SHPRH: variants seen among roughly 807,000 people sequenced by gnomAD.
SHPRH encodes E3 ubiquitin-protein ligase SHPRH.
SHPRH carries 106 observed loss-of-function variants against 202.5 expected under a neutral mutation model. The observed-to-expected ratio is 0.52, with a 90% CI of 0.45 to 0.62. The LOEUF (loss-of-function observed/expected upper bound fraction) is 0.62, where lower values mean the gene tolerates loss of function less well. Among genes scored for constraint, SHPRH ranks in the 20% least tolerant of loss-of-function variants. SHPRH has a pLI of 0.00. For missense variants in SHPRH, 1,710 were observed against 2,020.0 expected (o/e 0.85, Z 2.94); for synonymous variants, 729 against 686.0 (o/e 1.06, Z -0.98).
chr6:145,873,337 A>T (rs980116924), intron 2 of SHPRH, among the ~76,000 whole-genome samples: 1 of 152,162 alleles, frequency 6.6e-6, no homozygotes, highest in Non-Finnish European at 1.5e-5. Flanking sequence ...AAAAGGTACT[A>T]GGATGACTCT....
rs1787307658 is a variant in SHPRH, at chr6:145,945,774, T to G, written c.1322-137A>C. ...AGATTTATTACAGCAGAGTGCCATTTTGAAAAAATATGTAATAAAAATGTA... is the reference window on the plus strand; with the variant it reads ...AGATTTATTACAGCAGAGTGCCATTGTGAAAAAATATGTAATAAAAATGTA... On this transcript the variant is annotated intron_variant, in intron 7 of 29. Transcript: ENST00000275233. 1.2e-5 allele frequency: 10 copies of G among 846,976 alleles called. No individual in the cohort carries two copies. The East Asian group carries it at 3.0e-4, about 25-fold the overall frequency. 52.5% of individuals were successfully genotyped at this position (846,976 alleles called of 1,614,324 possible). A position where few individuals can be genotyped will look rare whatever the true frequency, so the allele number is the denominator to read the frequency against.
At chr6:145,887,968 A>G in intron 29 of SHPRH, 52 bp downstream of exon 29, 1 of 1,384,032 alleles carries the variant, frequency 7.2e-7, no homozygotes, top group Non-Finnish European at 1.0e-6. Context: ...AAAGATACAA[A>G]CTTTTAACAG....
intron 11 of SHPRH, among the ~76,000 whole-genome samples, chr6:145,936,760 A>C (rs1786114015): frequency 6.6e-6 from 1 of 152,186 alleles, no homozygotes; most frequent in Non-Finnish European, 1.5e-5. Context: ...ATGATCAACA[A>C]ATATTTAGAT....
intron 16 of SHPRH, among the ~76,000 whole-genome samples, chr6:145,925,386 T>A (rs1344655867): frequency 7.8e-6 from 1 of 128,710 alleles, no homozygotes; most frequent in East Asian, 2.3e-4. Flanking sequence ...GCAATAAAAA[T>A]AAAGAGGTAA....
intron 14 of SHPRH, 122 bp downstream of exon 14, chr6:145,932,935 T>A: frequency 9.1e-7 from 1 of 1,093,880 alleles, no homozygotes; most frequent in Non-Finnish European, 1.3e-6. Context: ...TATTCAGTAG[T>A]GTGTGAGAGT....
At chr6:145,862,446 C>A (rs201081072), downstream of SHPRH, among the ~76,000 whole-genome samples, 477 of 111,582 alleles carry the variant, frequency 4.3e-3, 3 homozygotes, top group Middle Eastern at 0.018. Flanking sequence ...AACAAAAAAA[C>A]AAAAACAACA....
At chr6:145,910,783 A>G (rs1294613180) in intron 24 of SHPRH, 147 bp from the exon 25 acceptor site, 1 of 769,672 alleles carries the variant, frequency 1.3e-6, no homozygotes, top group Non-Finnish European at 1.9e-6. Context: ...CCTTCAAATT[A>G]ATTTTTTATT....
intron 28 of SHPRH, among the ~76,000 whole-genome samples, chr6:145,888,314 C>T (rs982508889): frequency 2.0e-5 from 3 of 151,952 alleles, no homozygotes; most frequent in South Asian, 2.1e-4. Flanking sequence ...AAGAGTAAGA[C>T]GGTTTCAGGT....
chr6:145,925,093 TATTTA>T (rs1235092610), intron 16 of SHPRH, among the ~76,000 whole-genome samples: 2 of 151,832 alleles, frequency 1.3e-5, no homozygotes, highest in African/African-American at 4.8e-5. Flanking sequence ...GCCAATTTCT[TATTTA>T]ATTTTTTTTT....
intron 24 of SHPRH, 124 bp from the exon 25 acceptor site, chr6:145,910,760 A>C: frequency 1.0e-6 from 1 of 960,752 alleles, no homozygotes; most frequent in Non-Finnish European, 1.4e-6. Flanking sequence ...CTTTGTCATA[A>C]AGCCAAGTTG....
intron 2 of SHPRH, among the ~76,000 whole-genome samples, chr6:145,875,821 C>T (rs1461936439): frequency 6.6e-6 from 1 of 152,176 alleles, no homozygotes; most frequent in African/African-American, 2.4e-5. Context: ...TTAACTGTGG[C>T]TGCCAGATAT....
rs1784879552 is a variant in SHPRH at position 145,926,361 on chromosome 6, A to G, written c.3202-65T>C. On this transcript the variant is annotated intron_variant, in intron 15 of 29. Coordinates refer to ENST00000275233, the MANE Select transcript of SHPRH (RefSeq NM_001042683.3). The stretch of plus-strand genomic sequence containing the variant: ...CAGAAGACTCTGAAGAGAACCTAAT[A>G]TTAATATGGCACACAGAACACTAAC... The G allele has an allele frequency of 1.1e-5, 14 of 1,329,398 alleles. No homozygotes were observed. In the South Asian group the frequency reaches 1.6e-4, roughly 15 times the overall value. The allele number at this position is 1,329,398 out of a possible 1,614,324, so 82.4% of individuals were successfully genotyped here.
At chr6:145,884,230 A>G (rs1780802067), downstream of SHPRH, 2 of 152,234 alleles carry the variant, frequency 1.3e-5, no homozygotes, top group Admixed American at 1.3e-4. Context: ...GATATGAAAG[A>G]TAACAATTCC....
At chr6:145,917,944 T>A (rs1173431702) in intron 23 of SHPRH, 187 bp downstream of exon 23, 1 of 428,852 alleles carries the variant, frequency 2.3e-6, no homozygotes, top group Non-Finnish European at 4.2e-6. Context: ...ATCTGCATAA[T>A]AAATTTCTAT....
chr6:145,886,941 G>C (rs1781072917), intron 29 of SHPRH, among the ~76,000 whole-genome samples, 154 bp from the exon 30 acceptor site: 1 of 152,210 alleles, frequency 6.6e-6, no homozygotes, highest in African/African-American at 2.4e-5. Flanking sequence ...TAAAATCTTT[G>C]TTATACCTTG....
the SHPRH span, among the ~76,000 whole-genome samples, chr6:145,858,346 G>A: frequency 6.6e-6 from 1 of 151,970 alleles, no homozygotes; most frequent in Admixed American, 6.6e-5. Context: ...ATATATTGTG[G>A]TGTGGCCATA....
exon 3 of SHPRH, chr6:145,864,446 T>C (rs1779680006): frequency 2.8e-6 from 1 of 353,890 alleles, no homozygotes; most frequent in South Asian, 2.6e-5. Flanking sequence ...GGTGGGAGAA[T>C]GGGGTGATGT....
Position 145,936,775 on chromosome 6 carries a change from T to G in SHPRH, c.2570-1334A>C, listed in dbSNP as rs117731672. 4.2e-3 allele frequency among the ~76,000 whole-genome samples: 633 copies of G among 152,312 alleles called. 17 individuals carry two copies. In the East Asian group the frequency reaches 0.071, roughly 17 times the overall value. On this transcript the variant is annotated intron_variant, in intron 11 of 29. Coordinates refer to ENST00000275233, the MANE Select transcript of SHPRH (RefSeq NM_001042683.3). ...ATGATCAACAAATATTTAGATTGAA[T>G]TAAGTTACCTTGATGGTTGCTGGGA...
chr6:145,930,308 T>C (rs1388096115), intron 14 of SHPRH, among the ~76,000 whole-genome samples: 1 of 152,134 alleles, frequency 6.6e-6, no homozygotes, highest in Admixed American at 6.5e-5. Context: ...CTTCATTTGC[T>C]CTTTTTTTTT....
Sources: gnomAD v4.1 joint callset for allele counts (sites outside exome capture counted in the v4.1 genomes callset) on GRCh38, gnomAD v4.1.1 for gene constraint, MANE v1.5 for transcripts, NCBI Gene and HGNC (gene_info 2026-07-23, HGNC 2026-07-21) for gene names.